The following TANGO2 variants were observed in gnomAD, a reference collection of about 807,000 sequenced individuals.
TANGO2 encodes transport and Golgi organization protein 2 homolog.
Under a neutral mutation model 39.1 loss-of-function variants are expected in TANGO2, and 26 were observed. The observed-to-expected ratio is 0.67, with a 90% confidence interval of 0.49 to 0.92. The LOEUF is 0.92. Among genes scored for constraint, TANGO2 ranks in the 40% least tolerant of loss-of-function variants. The probability of loss-of-function intolerance (pLI) is 0.00; values close to 1 mark genes in which losing one functional copy is unlikely to be tolerated. For missense variants in TANGO2, 326 were observed against 360.1 expected, an observed-to-expected ratio of 0.91 and a Z score of 0.77; for synonymous variants, 131 against 144.5, an observed-to-expected ratio of 0.91 and a Z score of 0.67.
Position 20,057,103 on chromosome 22 carries a change from T to C in TANGO2, c.451+1090T>C, listed in dbSNP as rs536458417. The C allele has an allele frequency of 2.8e-4, 114 of 400,726 alleles. No homozygotes were observed. The East Asian group carries it at 7.6e-3, about 27-fold the overall frequency. 24.8% of individuals were successfully genotyped at this position (400,726 alleles called of 1,614,324 possible). ...AGGTCACAGGTGCACACCTTCCCAC[T>C]GGGTGTACACGGTGGAACTGAAGCC... On this transcript the variant is annotated intron_variant, in intron 6 of 8. Transcript: ENST00000327374. The surrounding 1 kb of genome is among the most constrained non-coding windows in gnomAD (Gnocchi z 4.1).
At position 20,046,212 on chromosome 22, in the gene TANGO2, C is replaced by A. The variant is rs143413803; in HGVS notation, c.145+2769C>A. Among the ~76,000 whole-genome samples, 1,518 of 152,128 alleles carry A rather than the reference C, an allele frequency of 1.0e-2. 29 individuals are homozygous for A. Among genetic ancestry groups the A allele is most frequent in the African/African-American group, 0.035 (1,435 of 41,498 alleles). On this transcript the variant is annotated intron_variant, in intron 3 of 8. Transcript: ENST00000327374. ...CCAGGCTGGAGTGCAGTGGCACAAT[C>A]CTGTCTCACTGCAGCCTCTAACTCC... is the stretch of plus-strand genomic sequence containing the variant.
At chr22:20,040,859 T>G (rs980763939) in intron 2 of TANGO2, among the ~76,000 whole-genome samples, 9 of 152,052 alleles carry the variant, frequency 5.9e-5, no homozygotes, top group African/African-American at 2.2e-4. Flanking sequence ...CTGAGGCTCA[T>G]CAGGGACAGA....
intron 1 of TANGO2, among the ~76,000 whole-genome samples, chr22:20,028,717 G>A (rs1268906360): frequency 6.6e-6 from 1 of 152,222 alleles, no homozygotes; most frequent in Non-Finnish European, 1.5e-5. Flanking sequence ...TCCTCAGAAG[G>A]GGAGGCTGGC....
intron 3 of TANGO2, among the ~76,000 whole-genome samples, chr22:20,050,425 G>T (rs535418078): frequency 1.4e-5 from 2 of 138,808 alleles, no homozygotes; most frequent in Non-Finnish European, 3.0e-5. Context: ...GTGCAATGGC[G>T]CCATCTCTGC....
upstream of TANGO2, among the ~76,000 whole-genome samples, chr22:20,019,856 C>G (rs79092933): frequency 7.8e-3 from 1,196 of 152,388 alleles, 17 homozygotes; most frequent in African/African-American, 0.026. Flanking sequence ...ACAACCATGT[C>G]TGGCTGGGTC....
chr22:20,056,523 G>A (rs771081722), intron 6 of TANGO2: 46 of 456,536 alleles, frequency 1.0e-4, no homozygotes, highest in Non-Finnish European at 4.8e-5. Context: ...TCCACGGCTG[G>A]GCCCTTCCTG....
intron 2 of TANGO2, among the ~76,000 whole-genome samples, chr22:20,039,145 G>A (rs1023951634): frequency 4.0e-5 from 6 of 150,280 alleles, no homozygotes; most frequent in African/African-American, 1.2e-4. Flanking sequence ...TGTTGTCCAG[G>A]GTGGTCTCGA....
At chr22:20,063,467 A>G in intron 8 of TANGO2, 25 bp downstream of exon 8, 1 of 1,597,038 alleles carries the variant, frequency 6.3e-7, no homozygotes, top group Non-Finnish European at 8.6e-7. Context: ...TGGGTGCGCC[A>G]CCTCCTATCC....
At chr22:20,049,660 CAAAA>C (rs695789) in intron 3 of TANGO2, among the ~76,000 whole-genome samples, 5 of 87,108 alleles carry the variant, frequency 5.7e-5, no homozygotes, top group African/African-American at 3.8e-5. Context: ...AACTCTGTCT[CAAAA>C]AAAAAAAAAA....
At chr22:20,024,298 G>C (rs965793188) in intron 1 of TANGO2, among the ~76,000 whole-genome samples, 3 of 152,232 alleles carry the variant, frequency 2.0e-5, no homozygotes, top group Non-Finnish European at 2.9e-5. Flanking sequence ...GGAGGGAGCA[G>C]GGCATTGCAG....
upstream of TANGO2, among the ~76,000 whole-genome samples, chr22:20,020,238 C>T (rs950138039): frequency 6.6e-6 from 1 of 152,240 alleles, no homozygotes; most frequent in Non-Finnish European, 1.5e-5. Context: ...TACACATTAT[C>T]ATTATCCCTA....
Position 20,064,356 on chromosome 22 carries a change from C to G in TANGO2, c.711-186C>G, listed in dbSNP as rs149905068. Among the ~76,000 whole-genome samples, 5 of 152,320 alleles carry G rather than the reference C, an allele frequency of 3.3e-5. No homozygotes were observed. In the East Asian group the frequency reaches 9.7e-4, roughly 29 times the overall value. ...GTGGGCCTGTGGAGCCAGCCAAGAG[C>G]TCACACGCCACTGATGGCCCCTCAT... On this transcript the variant is annotated intron_variant, in intron 8 of 8. Coordinates refer to ENST00000327374, the MANE Select transcript of TANGO2 (RefSeq NM_152906.7).
At chr22:20,024,542 G>C (rs2040363534) in intron 1 of TANGO2, among the ~76,000 whole-genome samples, 1 of 152,200 alleles carries the variant, frequency 6.6e-6, no homozygotes, top group African/African-American at 2.4e-5. Flanking sequence ...TTGGGCGCCC[G>C]GCTGCTCAGC....
chr22:20,045,714 G>A (rs1325632071), intron 3 of TANGO2, among the ~76,000 whole-genome samples: 1 of 151,978 alleles, frequency 6.6e-6, no homozygotes, highest in Non-Finnish European at 1.5e-5. Flanking sequence ...TGTTGGTCAG[G>A]CTGGCCTTGA....
chr22:20,039,043 C>T (rs1481488183), intron 2 of TANGO2, among the ~76,000 whole-genome samples: 1 of 151,558 alleles, frequency 6.6e-6, no homozygotes, highest in South Asian at 2.1e-4. Context: ...CCGGCTCAAG[C>T]GATCCTCCCA....
At chr22:20,061,930 CA>C in intron 7 of TANGO2, 1 of 508,648 alleles carries the variant, frequency 2.0e-6, no homozygotes, top group Non-Finnish European at 3.4e-6. Context: ...AGGCTCAGTG[CA>C]CCCAGAGGCT....
At chr22:20,042,180 C>G (rs2044093005) in intron 2 of TANGO2, among the ~76,000 whole-genome samples, 3 of 151,300 alleles carry the variant, frequency 2.0e-5, no homozygotes, top group African/African-American at 7.3e-5. Flanking sequence ...GATATGGGGT[C>G]TTACTTTCTT....
chr22:20,033,373 T>C (rs984066852), intron 1 of TANGO2, among the ~76,000 whole-genome samples: 3 of 152,206 alleles, frequency 2.0e-5, no homozygotes, highest in Non-Finnish European at 2.9e-5. Flanking sequence ...CCCTGCACCC[T>C]GGCCAGCTAG....
At chr22:20,056,651 A>G in intron 6 of TANGO2, 1 of 456,612 alleles carries the variant, frequency 2.2e-6, no homozygotes. Flanking sequence ...CCTGGAGAGA[A>G]TGTGTCACAT....
Sources: allele counts gnomAD v4.1 joint callset (sites outside exome capture counted in the v4.1 genomes callset), GRCh38; gene constraint gnomAD v4.1.1; non-coding constraint Gnocchi (gnomAD v3.1); transcripts MANE v1.5; gene names NCBI Gene and HGNC (gene_info 2026-07-23, HGNC 2026-07-21).